Variants in CYB5RL observed in about 807,000 individuals in gnomAD.
The protein encoded by CYB5RL is NADH-cytochrome b5 reductase-like.
A neutral mutation model predicts 37.5 loss-of-function variants in CYB5RL; 38 were observed. The ratio of observed to expected loss-of-function variants is 1.01; its 90% CI spans 0.78 to 1.33. The LOEUF (loss-of-function observed/expected upper bound fraction) is 1.33. CYB5RL is among the 40% of genes most tolerant of loss of function. The pLI is 0.00. For synonymous variants in CYB5RL, 141 were observed against 151.9 expected (o/e 0.93, Z 0.53); for missense variants, 388 against 394.4 (o/e 0.98, Z 0.14).
intron 3 of CYB5RL, 94 bp from the exon 4 acceptor site, chr1:54,190,990 G>C: frequency 6.8e-7 from 1 of 1,474,104 alleles, no homozygotes; most frequent in Non-Finnish European, 9.0e-7. Context: ...AGGAGAGGCT[G>C]TCTTGGCTCG....
chr1:54,197,318 T>TTC (rs1644017329), intron 1 of CYB5RL, among the ~76,000 whole-genome samples: 2 of 81,876 alleles, frequency 2.4e-5, no homozygotes, highest in South Asian at 3.8e-4. Flanking sequence ...TTTTCTTTTC[T>TTC]TTTTTTTTTT....
intron 3 of CYB5RL, among the ~76,000 whole-genome samples, chr1:54,195,205 G>A (rs1418330721): frequency 1.3e-5 from 2 of 152,180 alleles, no homozygotes; most frequent in African/African-American, 4.8e-5. Context: ...TTTTACAGAT[G>A]GGGAAACTAA....
At chr1:54,180,420 C>T (rs996325500) in intron 6 of CYB5RL, among the ~76,000 whole-genome samples, 66 of 151,364 alleles carry the variant, frequency 4.4e-4, no homozygotes, top group African/African-American at 1.5e-3. Context: ...CTGGCTAACA[C>T]GGTGAAACCC....
intron 5 of CYB5RL, chr1:54,185,407 G>A (rs1194437148): frequency 6.6e-6 from 1 of 152,316 alleles, no homozygotes; most frequent in African/African-American, 2.4e-5. Context: ...TCTGGGTCAT[G>A]TTTTGGGAAT....
At chr1:54,188,492 G>A (rs537752827) in intron 4 of CYB5RL, among the ~76,000 whole-genome samples, 2 of 152,310 alleles carry the variant, frequency 1.3e-5, no homozygotes, top group South Asian at 4.1e-4. Flanking sequence ...AAAGGGCCCT[G>A]GTCTAAAGCC....
chr1:54,180,370 C>G (rs1446120210), intron 6 of CYB5RL: 2 of 304,486 alleles, frequency 6.6e-6, no homozygotes, highest in Non-Finnish European at 1.3e-5. Context: ...CCTTGGGAAG[C>G]CAAGGCAGGC....
chr1:54,186,286 T>A (rs1199096427), intron 5 of CYB5RL: 1 of 152,228 alleles, frequency 6.6e-6, no homozygotes, highest in African/African-American at 2.4e-5. Flanking sequence ...AGTTTCTTCA[T>A]CTGTAAAATG....
At chr1:54,181,556 G>T (rs142607766) in intron 6 of CYB5RL, among the ~76,000 whole-genome samples, 1 of 152,354 alleles carries the variant, frequency 6.6e-6, no homozygotes, top group South Asian at 2.1e-4. Context: ...AGACATCCTC[G>T]TGTGGTGAAA....
intron 1 of CYB5RL, 71 bp downstream of exon 1, chr1:54,199,905 T>C (rs1644060458): frequency 3.3e-6 from 1 of 305,410 alleles, no homozygotes; most frequent in Non-Finnish European, 6.1e-6. Context: ...CAACTGCTCA[T>C]AAGCAGTCAA....
rs1660240828 is a variant in CYB5RL at position 54,184,401 on chromosome 1, C to A, written c.436-136G>T. The A allele has an allele frequency of 1.6e-5, 12 of 727,422 alleles. No homozygotes were observed. The Admixed American group carries it at 2.5e-4, about 15-fold the overall frequency. 45.1% of individuals were successfully genotyped at this position (727,422 alleles called of 1,614,324 possible). On this transcript the variant is annotated intron_variant, in intron 5 of 7. Coordinates refer to ENST00000534324, the MANE Select transcript of CYB5RL (RefSeq NM_001031672.4). ...TATCTCATTTAATCGTCCTCCTTAT[C>A]CTACAAAGTTGGTACAGCCATTCCC...
intron 6 of CYB5RL, 72 bp from the exon 7 acceptor site, chr1:54,179,424 T>C (rs981989157): frequency 4.0e-6 from 6 of 1,485,524 alleles, no homozygotes; most frequent in Admixed American, 2.0e-5. Flanking sequence ...ACTATGGGAC[T>C]TTTCCTTGAG....
rs1644061534 is a variant in CYB5RL, at chr1:54,199,966, G to A, written c.-223+10C>T. The A allele has an allele frequency of 2.1e-6, 1 of 477,776 alleles. No homozygotes were observed. Among genetic ancestry groups the A allele is most frequent in the Non-Finnish European group, 3.7e-6 (1 of 270,066 alleles). 29.6% of individuals were successfully genotyped at this position (477,776 alleles called of 1,614,324 possible). A position where few individuals can be genotyped will look rare whatever the true frequency, so the allele number is the denominator to read the frequency against. On this transcript the variant is annotated intron_variant, in intron 1 of 7. Coordinates refer to ENST00000534324, the MANE Select transcript of CYB5RL (RefSeq NM_001031672.4). The stretch of plus-strand genomic sequence containing the variant: ...CCTGGAGCGATTCTCCACCCACCAC[G>A]ACCACTCACCTACTCGCCTGCGCTT...
chr1:54,176,752 C>T (rs527775683), intron 7 of CYB5RL, among the ~76,000 whole-genome samples: 92 of 152,340 alleles, frequency 6.0e-4, no homozygotes, highest in African/African-American at 2.2e-3. Flanking sequence ...CCCTGAGATG[C>T]CCTGGGCCTG....
intron 1 of CYB5RL, among the ~76,000 whole-genome samples, chr1:54,197,315 TTC>T (rs1491043472): frequency 2.2e-5 from 3 of 134,840 alleles, no homozygotes; most frequent in Admixed American, 7.3e-5. Flanking sequence ...TTCTTTTCTT[TTC>T]TTTTTTTTTT....
At chr1:54,199,254 C>T (rs1644051418) in intron 1 of CYB5RL, among the ~76,000 whole-genome samples, 1 of 152,128 alleles carries the variant, frequency 6.6e-6, no homozygotes, top group Non-Finnish European at 1.5e-5. Context: ...TACTATGTGC[C>T]AGGCACTGTT....
intron 7 of CYB5RL, chr1:54,175,807 AG>A (rs1660007158): frequency 7.1e-6 from 2 of 280,356 alleles, no homozygotes; most frequent in South Asian, 6.6e-5. Context: ...GTCACATGGG[AG>A]GATGTGCATA....
chr1:54,194,716 C>T (rs1474182659), intron 3 of CYB5RL, among the ~76,000 whole-genome samples: 1 of 152,192 alleles, frequency 6.6e-6, no homozygotes, highest in African/African-American at 2.4e-5. Flanking sequence ...GACACCTCTA[C>T]TCCACATTAG....
In CYB5RL at chr1:54,174,711, C is replaced by A; in HGVS notation, c.856G>T (p.Ala286Ser). 3 of 1,613,936 alleles carry A rather than the reference C, an allele frequency of 1.9e-6. No individual in the cohort carries two copies. Among genetic ancestry groups the A allele is most frequent in the South Asian group, 2.2e-5 (2 of 91,044 alleles). ...AACTCAGCCGAGCCACAGACCAGTG[C>A]GAATGGCTTTCTCCGACAGCAGCTG... ...LVSCCRRKPFALVCGSAEFTK... is the reference protein window; with the variant it reads ...LVSCCRRKPFSLVCGSAEFTK... The change falls in exon 8 of 8, where the codon GCA (alanine) becomes TCA (serine). Residue 286 changes from alanine to serine, a missense_variant. By Grantham distance (99) the Ala-to-Ser change is moderately conservative. Coordinates refer to ENST00000534324, the MANE Select transcript of CYB5RL (RefSeq NM_001031672.4).
intron 5 of CYB5RL, chr1:54,185,456 A>C (rs59482086): frequency 0.013 from 1,977 of 152,492 alleles, 47 homozygotes; most frequent in African/African-American, 0.045. Flanking sequence ...AGGGCGAAGC[A>C]CTGGGAGACA....
Sources: allele counts gnomAD v4.1 joint callset (sites outside exome capture counted in the v4.1 genomes callset), GRCh38; gene constraint gnomAD v4.1.1; transcripts MANE v1.5; gene names NCBI Gene and HGNC (gene_info 2026-07-23, HGNC 2026-07-21).